The following GTF2H2 variants were observed in gnomAD, a reference collection of about 807,000 sequenced individuals.
GTF2H2 encodes the protein general transcription factor IIH subunit 2.
GTF2H2 carries 2 observed loss-of-function variants against 16.5 expected under a neutral mutation model. The observed-to-expected ratio is 0.12, with a 90% CI of 0.05 to 0.38. GTF2H2 has a LOEUF of 0.38. GTF2H2 is among the 10% of genes least tolerant of loss of function. GTF2H2 has a pLI of 0.99. For synonymous variants in GTF2H2, 8 were observed against 44.1 expected, an observed-to-expected ratio of 0.18 and a Z score of 3.24; for missense variants, 20 against 137.0, an observed-to-expected ratio of 0.15 and a Z score of 4.26.
At chr5:71,058,169 C>T (rs1376918293) in intron 7 of GTF2H2, 4 of 138,000 alleles carry the variant, frequency 2.9e-5, no homozygotes, top group Admixed American at 7.3e-5. Flanking sequence ...AAGACAGCAC[C>T]GCCTGGGCGA....
intron 11 of GTF2H2, among the ~76,000 whole-genome samples, chr5:71,046,102 G>T: frequency 7.7e-6 from 1 of 129,112 alleles, no homozygotes; most frequent in Admixed American, 8.2e-5. Context: ...TTTAAATTCT[G>T]AAAACATGTT....
At chr5:71,045,922 T>C (rs1228222293) in intron 11 of GTF2H2, among the ~76,000 whole-genome samples, 1 of 142,908 alleles carries the variant, frequency 7.0e-6, no homozygotes, top group Non-Finnish European at 1.5e-5. Flanking sequence ...CCCAGCTATA[T>C]ATTTTCTAAC....
At chr5:71,063,729 A>C (rs1753722674) in intron 1 of GTF2H2, among the ~76,000 whole-genome samples, 1 of 145,762 alleles carries the variant, frequency 6.9e-6, no homozygotes, top group Non-Finnish European at 1.5e-5. Context: ...CAGCCAAAAA[A>C]ACAACGAAAA....
At chr5:71,057,264 G>T (rs1753316572) in intron 7 of GTF2H2, among the ~76,000 whole-genome samples, 2 of 107,362 alleles carry the variant, frequency 1.9e-5, no homozygotes, top group Non-Finnish European at 3.9e-5. Context: ...GAACTAATTT[G>T]TAAGACTATC....
Position 71,055,124 on chromosome 5 carries a change from C to T in GTF2H2, c.470+228G>A, listed in dbSNP as rs1320629924. 3.1e-5 allele frequency: 11 copies of T among 353,192 alleles called. 1 individual carries two copies. Among genetic ancestry groups the T allele is most frequent in the East Asian group, 4.9e-5 (1 of 20,490 alleles). 21.9% of individuals were successfully genotyped at this position (353,192 alleles called of 1,614,324 possible). ...CATATTTTTGTACTATTGATACTGC[C>T]GACAGTTTTAAATTATATTTTTATA... On this transcript the variant is annotated intron_variant, in intron 8 of 15. Transcript: ENST00000274400.
rs1407915435 is a variant in GTF2H2 at position 71,053,270 on chromosome 5, T to C, written c.470+2082A>G. On this transcript the variant is annotated intron_variant, in intron 8 of 15. Coordinates refer to ENST00000274400, the Ensembl canonical transcript of GTF2H2. ...ACACTCAGAGGCCACTGGAGGGTTATTATTGGTGTAATTTGAATATTTTTG... is the reference window on the plus strand; with the variant it reads ...ACACTCAGAGGCCACTGGAGGGTTACTATTGGTGTAATTTGAATATTTTTG... 3.5e-5 allele frequency among the ~76,000 whole-genome samples: 5 copies of C among 141,034 alleles called. No homozygotes were observed. The Admixed American group carries it at 3.7e-4, about 10-fold the overall frequency. The allele number at this position is 141,034 out of a possible 152,430, so 92.5% of individuals were successfully genotyped here. A position where few individuals can be genotyped will look rare whatever the true frequency, so the allele number is the denominator to read the frequency against.
At chr5:71,058,168 C>A (rs2150201816) in intron 7 of GTF2H2, 1 of 139,174 alleles carries the variant, frequency 7.2e-6, no homozygotes, top group South Asian at 2.2e-4. Flanking sequence ...CAAGACAGCA[C>A]CGCCTGGGCG....
At chr5:71,039,659 C>G (rs1291174699) in intron 14 of GTF2H2, among the ~76,000 whole-genome samples, 3 of 145,344 alleles carry the variant, frequency 2.1e-5, no homozygotes, top group Non-Finnish European at 4.5e-5. Context: ...TATTTTACTC[C>G]TTTTATTGTA....
chr5:71,061,543 G>A (rs1206333100), intron 3 of GTF2H2, 145 bp downstream of exon 3: 11 of 342,410 alleles, frequency 3.2e-5, no homozygotes, highest in Non-Finnish European at 5.8e-5. Context: ...AAGGGTAGGT[G>A]GCTAGTTCTT....
intron 8 of GTF2H2, among the ~76,000 whole-genome samples, chr5:71,054,507 T>C (rs1753025495): frequency 6.9e-6 from 1 of 144,756 alleles, no homozygotes; most frequent in Admixed American, 6.9e-5. Context: ...CCAGCCTGGC[T>C]AACATGGTGA....
In GTF2H2 at chr5:71,054,403, A is replaced by G. The variant is rs1163070484; in HGVS notation, c.470+949T>C. 2.1e-5 allele frequency among the ~76,000 whole-genome samples: 3 copies of G among 146,198 alleles called. 1 individual carries two copies. Among genetic ancestry groups the G allele is most frequent in the African/African-American group, 7.9e-5 (3 of 38,204 alleles). The stretch of plus-strand genomic sequence containing the variant: ...AGAAAAATATCTATTATATAAAGGT[A>G]TAAGTCTGAGCCAGGGCGGACTATC... On this transcript the variant is annotated intron_variant, in intron 8 of 15. Transcript: ENST00000274400.
intron 7 of GTF2H2, among the ~76,000 whole-genome samples, chr5:71,057,501 G>C (rs1249697828): frequency 1.5e-5 from 2 of 133,474 alleles, no homozygotes; most frequent in Non-Finnish European, 3.3e-5. Context: ...ACTCATCTGA[G>C]TAAGTTTTAA....
At chr5:71,047,112 TTTTTA>T (rs1471439632) in intron 11 of GTF2H2, among the ~76,000 whole-genome samples, 17 of 121,172 alleles carry the variant, frequency 1.4e-4, no homozygotes, top group East Asian at 5.3e-4. Context: ...GCTTATTTTA[TTTTTA>T]TTTTATTTTA....
chr5:71,057,835 A>G, intron 7 of GTF2H2: 1 of 69,062 alleles, frequency 1.4e-5, no homozygotes, highest in East Asian at 3.2e-4. Context: ...GTCTGATTGG[A>G]GGGAAAAAAA....
intron 8 of GTF2H2, among the ~76,000 whole-genome samples, chr5:71,053,318 G>A (rs534964949): frequency 1.4e-5 from 2 of 142,396 alleles, no homozygotes; most frequent in South Asian, 4.3e-4. Context: ...TGGGGGGGCC[G>A]AACAGAGGGA....
chr5:71,054,345 A>C (rs543021928), intron 8 of GTF2H2, among the ~76,000 whole-genome samples: 5 of 145,786 alleles, frequency 3.4e-5, no homozygotes, highest in Middle Eastern at 3.2e-3. Flanking sequence ...CCTCTATTAC[A>C]TGTGTTGCCT....
chr5:71,038,463 T>A (rs497832), intron 14 of GTF2H2, among the ~76,000 whole-genome samples: 1 of 88,780 alleles, frequency 1.1e-5, no homozygotes, highest in African/African-American at 3.8e-5. Flanking sequence ...CTTCACAGTT[T>A]TTGGCTATGA....
chr5:71,054,729 GTGTGTGTGTGTGTGTGTGTGTGTA>G (rs1164301587), intron 8 of GTF2H2, among the ~76,000 whole-genome samples: 1 of 134,706 alleles, frequency 7.4e-6, no homozygotes, highest in Admixed American at 7.9e-5. Flanking sequence ...GTGTGTGTGT[GTGTGTGTGTGTGTGTGTGTGTGTA>G]TATATATAAT....
intron 8 of GTF2H2, among the ~76,000 whole-genome samples, chr5:71,052,167 CT>C (rs538894597): frequency 2.4e-4 from 34 of 142,200 alleles, no homozygotes; most frequent in African/African-American, 8.9e-4. Context: ...TCCTCTTGCA[CT>C]TTTTTTTTCT....
Sources: gnomAD v4.1 joint callset for allele counts (sites outside exome capture counted in the v4.1 genomes callset) on GRCh38, gnomAD v4.1.1 for gene constraint, MANE v1.5 for transcripts, NCBI Gene and HGNC (gene_info 2026-07-23, HGNC 2026-07-21) for gene names.